SLC35F3: variants seen among roughly 807,000 people sequenced by gnomAD.
SLC35F3 encodes solute carrier family 35 member F3.
A neutral mutation model predicts 49.9 loss-of-function variants in SLC35F3; 25 were observed. The ratio of observed to expected loss-of-function variants is 0.50; its 90% confidence interval spans 0.37 to 0.70. SLC35F3 has a LOEUF of 0.70. Ranked by LOEUF, SLC35F3 falls within the 30% of genes least tolerant of loss-of-function variation. The pLI is 0.00. For missense variants in SLC35F3, 525 were observed against 639.8 expected, an observed-to-expected ratio of 0.82 and a Z score of 1.94; for synonymous variants, 275 against 265.4, an observed-to-expected ratio of 1.04 and a Z score of -0.35.
At chr1:234,251,976 C>T (rs1025013090) in intron 3 of SLC35F3, among the ~76,000 whole-genome samples, 7 of 151,462 alleles carry the variant, frequency 4.6e-5, no homozygotes, top group Non-Finnish European at 8.8e-5. Flanking sequence ...TGAAATCTTA[C>T]CAATACTAGA....
intron 5 of SLC35F3, among the ~76,000 whole-genome samples, chr1:234,317,078 C>A (rs539752337): frequency 1.3e-5 from 2 of 152,158 alleles, no homozygotes; most frequent in South Asian, 2.1e-4. Context: ...CATTTGCCAC[C>A]CTATGGGGTG....
intron 2 of SLC35F3, among the ~76,000 whole-genome samples, chr1:234,187,554 G>T (rs1175710145): frequency 6.6e-6 from 1 of 152,152 alleles, no homozygotes; most frequent in Admixed American, 6.5e-5. Flanking sequence ...GATTACTCCC[G>T]CAGGACCCAG....
chr1:233,913,483 G>A (rs778971776), intron 2 of SLC35F3, among the ~76,000 whole-genome samples: 11 of 152,206 alleles, frequency 7.2e-5, no homozygotes, highest in Non-Finnish European at 1.5e-4. Flanking sequence ...TGAAGCTGTT[G>A]CAGATAGAAA....
chr1:234,261,402 A>C (rs1373430850), intron 3 of SLC35F3, among the ~76,000 whole-genome samples: 5 of 152,156 alleles, frequency 3.3e-5, no homozygotes, highest in Non-Finnish European at 7.4e-5. Flanking sequence ...TCTATAACTG[A>C]TATAGTTATC....
intron 2 of SLC35F3, among the ~76,000 whole-genome samples, chr1:234,069,532 G>A (rs764744628): frequency 3.3e-5 from 5 of 152,126 alleles, no homozygotes; most frequent in Admixed American, 2.0e-4. Context: ...TGGGATTACC[G>A]GCATGAGCCA....
intron 3 of SLC35F3, among the ~76,000 whole-genome samples, chr1:234,298,935 A>G (rs756030120): frequency 6.6e-6 from 1 of 152,268 alleles, no homozygotes; most frequent in Non-Finnish European, 1.5e-5. Flanking sequence ...AGAGGAGGGC[A>G]GCCATACATT....
intron 2 of SLC35F3, among the ~76,000 whole-genome samples, chr1:234,158,860 T>A (rs1173460001): frequency 6.6e-6 from 1 of 152,204 alleles, no homozygotes; most frequent in Admixed American, 6.5e-5. Flanking sequence ...TTATAAGATA[T>A]TAGAAAAGAA....
chr1:234,100,354 AT>A (rs1665196224), intron 2 of SLC35F3, among the ~76,000 whole-genome samples: 1 of 152,172 alleles, frequency 6.6e-6, no homozygotes, highest in Non-Finnish European at 1.5e-5. Context: ...TAACAGTTAT[AT>A]TATTATTTAG....
rs1199972796 is a variant in SLC35F3 at position 234,318,934 on chromosome 1, C to T, written c.1138C>T (p.Leu380Phe). The T allele has an allele frequency of 6.2e-7, 1 of 1,613,648 alleles. No homozygotes were observed. Among genetic ancestry groups the T allele is most frequent in the Non-Finnish European group, 8.5e-7 (1 of 1,179,852 alleles). Reference protein sequence around the residue: ...PWGNLCGFSVLLLTFNIVLNF... With the variant: ...PWGNLCGFSVFLLTFNIVLNF... ...GGGAAACCTTTGTGGATTTTCAGTT[C>T]TTTTATTGAGTAAGTGCTAATCACC... is the stretch of plus-strand genomic sequence containing the variant. Residue 380 changes from leucine to phenylalanine, a missense_variant, in exon 6 of 8, where the codon CTT becomes TTT. By Grantham distance (22) the Leu-to-Phe change is conservative (BLOSUM62 0). Around this residue, in one of 4 missense-constraint regions of SLC35F3, gnomAD observed 216 missense variants for 298.1 expected, o/e 0.72. Coordinates refer to ENST00000366618, the MANE Select transcript of SLC35F3 (RefSeq NM_173508.4).
intron 2 of SLC35F3, among the ~76,000 whole-genome samples, chr1:234,117,977 A>T (rs75974939): frequency 0.19 from 25,846 of 137,682 alleles, 3,981 homozygotes; most frequent in Non-Finnish European, 0.27. Context: ...TATATATATA[A>T]AACCACAAGA....
intron 2 of SLC35F3, among the ~76,000 whole-genome samples, chr1:234,205,652 G>A (rs570404811): frequency 1.6e-4 from 24 of 152,334 alleles, no homozygotes; most frequent in South Asian, 2.1e-4. Context: ...AAGAAACTCT[G>A]CCAAGAGTCA....
chr1:234,026,937 A>C (rs1663988108), intron 2 of SLC35F3: 1 of 152,540 alleles, frequency 6.6e-6, no homozygotes, highest in Non-Finnish European at 1.5e-5. Flanking sequence ...GTGGTGCCAC[A>C]CTTTAGGATA....
At chr1:234,232,536 A>AG (rs1553317279) in intron 3 of SLC35F3, among the ~76,000 whole-genome samples, 47 of 138,542 alleles carry the variant, frequency 3.4e-4, no homozygotes, top group Non-Finnish European at 6.0e-4. Flanking sequence ...AAAAAAAAAA[A>AG]AAAAGAAAAA....
chr1:234,295,195 G>T (rs1668572744), intron 3 of SLC35F3, among the ~76,000 whole-genome samples: 3 of 152,204 alleles, frequency 2.0e-5, no homozygotes, highest in South Asian at 4.1e-4. Flanking sequence ...CTCTGAGAAA[G>T]GCCAAGGACA....
At chr1:234,001,583 C>A (rs1472103275) in intron 2 of SLC35F3, among the ~76,000 whole-genome samples, 1 of 152,134 alleles carries the variant, frequency 6.6e-6, no homozygotes, top group Non-Finnish European at 1.5e-5. Flanking sequence ...GGTGTCACTC[C>A]CCTTTTACAT....
rs745769076 is a variant in SLC35F3 at position 234,183,297 on chromosome 1, G to A, written c.284-48120G>A. The stretch of plus-strand genomic sequence containing the variant: ...CCTTCAAAGTGCTGGGACTACACGC[G>A]TGAGCCACTGCACCTGGCCAGATTT... On this transcript the variant is annotated intron_variant, in intron 2 of 7. Transcript: ENST00000366618. Among the ~76,000 whole-genome samples the A allele has an allele frequency of 2.9e-4, 41 of 143,020 alleles. 4 individuals are homozygous for A. Among genetic ancestry groups the A allele is most frequent in the Non-Finnish European group, 5.7e-4 (38 of 67,056 alleles). 93.8% of individuals were successfully genotyped at this position (143,020 alleles called of 152,430 possible).
chr1:234,058,344 T>A (rs973460490), intron 2 of SLC35F3, among the ~76,000 whole-genome samples: 1 of 136,532 alleles, frequency 7.3e-6, no homozygotes, highest in African/African-American at 2.9e-5. Context: ...TTTTTTTTTT[T>A]TTTTTTTTTT....
intron 2 of SLC35F3, among the ~76,000 whole-genome samples, chr1:234,083,937 A>G (rs1185754631): frequency 6.6e-6 from 1 of 151,346 alleles, no homozygotes; most frequent in African/African-American, 2.4e-5. Flanking sequence ...TCCTGGGTTC[A>G]AGCGATTCTC....
At position 234,236,219 on chromosome 1, in the gene SLC35F3, T is replaced by C. The variant is rs115300824; in HGVS notation, c.608+4478T>C. 4.2e-3 allele frequency among the ~76,000 whole-genome samples: 645 copies of C among 152,104 alleles called. 5 individuals carry two copies. Among genetic ancestry groups the C allele is most frequent in the African/African-American group, 0.015 (602 of 41,488 alleles). ...ACTTTGGTGGGCTGAGGAGGGCAGA[T>C]TGATTGAGCCCAGAAGTTCAAGACC... On this transcript the variant is annotated intron_variant, in intron 3 of 7. Transcript: ENST00000366618.
Sources: allele counts gnomAD v4.1 joint callset (sites outside exome capture counted in the v4.1 genomes callset), GRCh38; gene constraint gnomAD v4.1.1; regional missense constraint gnomAD v4.1.1; transcripts MANE v1.5; gene names NCBI Gene and HGNC (gene_info 2026-07-23, HGNC 2026-07-21).